The following DEPDC1 variants were observed in gnomAD, a reference collection of about 807,000 sequenced individuals.
The protein encoded by DEPDC1 is DEP domain containing 1.
A neutral mutation model predicts 86.8 loss-of-function variants in DEPDC1; 66 were observed. The observed-to-expected ratio is 0.76, with a 90% CI of 0.62 to 0.93. DEPDC1 has a LOEUF of 0.93. Among genes scored for constraint, DEPDC1 ranks in the 40% least tolerant of loss-of-function variants. The pLI is 0.00. For missense variants in DEPDC1, 792 were observed against 935.7 expected, an observed-to-expected ratio of 0.85 and a Z score of 2.00; for synonymous variants, 255 against 314.9, an observed-to-expected ratio of 0.81 and a Z score of 2.02.
chr1:68,481,873 C>G, intron 8 of DEPDC1, 173 bp downstream of exon 8: 1 of 681,926 alleles, frequency 1.5e-6, no homozygotes, highest in South Asian at 3.5e-5. Flanking sequence ...AAATAAGTTC[C>G]TTAGGTAAAC....
chr1:68,477,944 G>C lies in DEPDC1; in HGVS notation c.2141C>G (p.Ala714Gly). 1.3e-6 allele frequency: 2 copies of C among 1,553,102 alleles called. No homozygotes were observed. Among genetic ancestry groups the C allele is most frequent in the African/African-American group, 1.4e-5 (1 of 72,994 alleles). ...ACAGTATGAGTAAGTTGGCAAAGGA[G>C]CAAATAGTCCATCTCCAGGATTTTC... The part of the protein sequence containing the change: ...HIENPGDGLF[A>G]PLPTYSYCKQ... Residue 714 changes from alanine (A) to glycine (G), a missense_variant, in exon 11 of 12, where the codon GCT becomes GGT. Transcript: ENST00000456315.
intron 9 of DEPDC1, 142 bp downstream of exon 9, chr1:68,481,298 A>T (rs1646153550): frequency 2.9e-6 from 2 of 680,454 alleles, no homozygotes; most frequent in Non-Finnish European, 4.9e-6. Context: ...TTCTGCTGCT[A>T]GGAAAGGTTA....
At chr1:68,490,094 G>C (rs1646219716) in intron 2 of DEPDC1, among the ~76,000 whole-genome samples, 1 of 152,076 alleles carries the variant, frequency 6.6e-6, no homozygotes, top group Non-Finnish European at 1.5e-5. Context: ...TGTAATTGTT[G>C]ACATTTTGCC....
chr1:68,477,825 T>G lies in DEPDC1; in HGVS notation c.2260A>C (p.Ser754Arg). Residue 754 changes from serine to arginine, a missense_variant, in exon 11 of 12, where the codon AGT (serine) becomes CGT (arginine). By Grantham distance (110) the Ser-to-Arg change is moderately radical. Coordinates refer to ENST00000456315, the MANE Select transcript of DEPDC1 (RefSeq NM_001114120.3). ...ELLENIIKNR[S>R]LPLKEKRKKL... Reference sequence around the variant, plus strand: ...TTTCTTTTCTCCTTTAGAGGTAAACTCCTGTTTTTAATAATATTTTCTAAA... The same window carrying G: ...TTTCTTTTCTCCTTTAGAGGTAAACGCCTGTTTTTAATAATATTTTCTAAA... 6.4e-7 allele frequency: 1 copy of G among 1,557,978 alleles called. No individual in the cohort carries two copies. Among genetic ancestry groups the G allele is most frequent in the East Asian group, 2.3e-5 (1 of 43,586 alleles).
Position 68,482,765 on chromosome 1 carries a change from C to G in DEPDC1, c.1043G>C (p.Ser348Thr). 1 of 1,612,720 alleles carries G rather than the reference C, an allele frequency of 6.2e-7. No individual in the cohort carries two copies. Among genetic ancestry groups the G allele is most frequent in the Non-Finnish European group, 8.5e-7 (1 of 1,179,268 alleles). ...SFKSTECLLL[S>T]LLHREKNKEE... is the part of the protein sequence containing the mutation. ...TTTGTTTTTTTCTCTATGAAGCAGA[C>G]TGAGAAGAAGGCACTCAGTTGATTT... is the stretch of plus-strand genomic sequence containing the variant. The change falls in exon 8 of 12, where the codon AGT becomes ACT. Residue 348 changes from serine to threonine, a missense_variant. By Grantham distance (58) the Ser-to-Thr change is moderately conservative. Coordinates refer to ENST00000456315, the MANE Select transcript of DEPDC1 (RefSeq NM_001114120.3).
At chr1:68,477,649 T>G in intron 11 of DEPDC1, 138 bp downstream of exon 11, 1 of 501,260 alleles carries the variant, frequency 2.0e-6, no homozygotes, top group Non-Finnish European at 3.2e-6. Context: ...ATACAAGACA[T>G]CATAATATAT....
rs1173596254 is a variant in DEPDC1 at position 68,497,022 on chromosome 1, G to A, written c.-23C>T. 2.5e-6 allele frequency: 4 copies of A among 1,610,728 alleles called. No homozygotes were observed. Among genetic ancestry groups the A allele is most frequent in the Non-Finnish European group, 3.4e-6 (4 of 1,178,066 alleles). ...CATAGGTCTGTCAGCGCCCGGTGGCGTCCATGGCGGCGAAGGCGACACTCA... is the reference window on the plus strand; with the variant it reads ...CATAGGTCTGTCAGCGCCCGGTGGCATCCATGGCGGCGAAGGCGACACTCA... On this transcript the variant is annotated 5_prime_UTR_variant, in exon 1 of 12. It adds an upstream start codon to the 5' untranslated region. Transcript: ENST00000456315.
At chr1:68,486,668 C>T (rs1356477842) in intron 6 of DEPDC1, among the ~76,000 whole-genome samples, 1 of 151,746 alleles carries the variant, frequency 6.6e-6, no homozygotes. Flanking sequence ...CTTTGAGATC[C>T]TCTAGGCTAT....
At chr1:68,477,128 T>C (rs1474688322) in intron 11 of DEPDC1, 59 bp from the exon 12 acceptor site, 1 of 1,379,960 alleles carries the variant, frequency 7.2e-7, no homozygotes, top group African/African-American at 1.5e-5. Flanking sequence ...GCTGAAGCAG[T>C]GCTCAACATT....
At chr1:68,495,049 G>A (rs1377571004) in intron 1 of DEPDC1, among the ~76,000 whole-genome samples, 2 of 152,112 alleles carry the variant, frequency 1.3e-5, no homozygotes, top group Admixed American at 6.5e-5. Flanking sequence ...GGCTGAGTCA[G>A]GAGAATCACT....
rs181251546 is a variant in DEPDC1, at chr1:68,475,938, T to C, written c.*994A>G. ...CCCCAAAATTCAGATTTAATTAGTG[T>C]AAGTTAGGCCCTGGGCATATAGGCT... On this transcript the variant is annotated 3_prime_UTR_variant, in exon 12 of 12. Coordinates refer to ENST00000456315, the MANE Select transcript of DEPDC1 (RefSeq NM_001114120.3). The C allele has an allele frequency of 6.6e-6, 1 of 151,982 alleles. No homozygotes were observed. Among genetic ancestry groups the C allele is most frequent in the African/African-American group, 2.4e-5 (1 of 41,536 alleles). The allele number at this position is 151,982 out of a possible 1,614,324, so 9.4% of individuals were successfully genotyped here.
At chr1:68,485,616 T>C (rs1427129204) in intron 6 of DEPDC1, among the ~76,000 whole-genome samples, 1 of 152,100 alleles carries the variant, frequency 6.6e-6, no homozygotes, top group Non-Finnish European at 1.5e-5. Context: ...GAAGACCAGA[T>C]GTCAGAGAAA....
rs773506539 is a variant in DEPDC1 at position 68,488,388 on chromosome 1, A to G, written c.707T>C (p.Leu236Pro). The G allele has an allele frequency of 6.3e-7, 1 of 1,585,884 alleles. No homozygotes were observed. The highest frequency in any genetic ancestry group is 2.3e-5 in the East Asian group (1 of 43,772). The change falls in exon 5 of 12, where the codon CTA becomes CCA. Residue 236 changes from leucine (L) to proline (P), a missense_variant. By Grantham distance (98) the Leu-to-Pro change is moderately conservative (BLOSUM62 -3). Coordinates refer to ENST00000456315, the MANE Select transcript of DEPDC1 (RefSeq NM_001114120.3). ...TTAATACCAACCTGATTTGTTTTGT[A>G]GTATAACTACTCCACGTTTACTTGT... ...ANTSKRGVVI[L>P]QNKSDDLPHW...
At position 68,483,941 on chromosome 1, in the gene DEPDC1, T is replaced by C. The variant is rs2100255046; in HGVS notation, c.910+9A>G. On this transcript the variant is annotated intron_variant, in intron 7 of 11. Transcript: ENST00000456315. Reference sequence around the variant, plus strand: ...AAAATGAACTAAAATCAGTAAAATCTATACATACCCAAAATGTTTACAAAT... The same window carrying C: ...AAAATGAACTAAAATCAGTAAAATCCATACATACCCAAAATGTTTACAAAT... 1 of 1,460,476 alleles carries C rather than the reference T, an allele frequency of 6.8e-7. No homozygotes were observed. Among genetic ancestry groups the C allele is most frequent in the South Asian group, 1.4e-5 (1 of 73,472 alleles). 90.5% of individuals were successfully genotyped at this position (1,460,476 alleles called of 1,614,324 possible).
chr1:68,488,284 A>T (rs778774348), intron 5 of DEPDC1, 90 bp downstream of exon 5: 9 of 1,239,886 alleles, frequency 7.3e-6, no homozygotes, highest in African/African-American at 1.6e-5. Context: ...AAAGTATTCT[A>T]CTTTCAATAT....
At position 68,482,484 on chromosome 1, in the gene DEPDC1, G is replaced by A. The variant is rs374450492; in HGVS notation, c.1324C>T (p.His442Tyr). 11 of 1,613,078 alleles carry A rather than the reference G, an allele frequency of 6.8e-6. No homozygotes were observed. Among genetic ancestry groups the A allele is most frequent in the Non-Finnish European group, 8.5e-6 (10 of 1,179,336 alleles). The stretch of plus-strand genomic sequence containing the variant: ...CCTTCTATGTTCGGAAAAGATTGAT[G>A]AAAGACACTGGATGCCTCTTTACTT... Reference protein sequence around the residue: ...NSSKEASSVFHQSFPNIEGQN... With the variant: ...NSSKEASSVFYQSFPNIEGQN... The change falls in exon 8 of 12, where the codon CAT becomes TAT. Residue 442 changes from histidine to tyrosine, a missense_variant. Coordinates refer to ENST00000456315, the MANE Select transcript of DEPDC1 (RefSeq NM_001114120.3).
intron 2 of DEPDC1, among the ~76,000 whole-genome samples, chr1:68,490,797 T>C (rs192600997): frequency 1.1e-4 from 16 of 152,080 alleles, no homozygotes; most frequent in Admixed American, 9.8e-4. Flanking sequence ...TACAGGCCTG[T>C]AGTAACCAAA....
At position 68,477,788 on chromosome 1, in the gene DEPDC1, T is replaced by C; in HGVS notation, c.2297A>G (p.Gln766Arg). 1 of 1,501,466 alleles carries C rather than the reference T, an allele frequency of 6.7e-7. No individual in the cohort carries two copies. The highest frequency in any genetic ancestry group is 9.0e-7 in the Non-Finnish European group (1 of 1,117,158). 93.0% of individuals were successfully genotyped at this position (1,501,466 alleles called of 1,614,324 possible). The change falls in exon 11 of 12, where the codon CAG becomes CGG. Residue 766 changes from glutamine (Q) to arginine (R), a missense_variant and splice_region_variant. Gln to Arg is a conservative substitution (Grantham distance 43). Coordinates refer to ENST00000456315, the MANE Select transcript of DEPDC1 (RefSeq NM_001114120.3). ...TTGAGAACTTGCTCATTCTCTTACCTGTTTTAGTTTTTTTCTTTTCTCCTT... is the reference window on the plus strand; with the variant it reads ...TTGAGAACTTGCTCATTCTCTTACCCGTTTTAGTTTTTTTCTTTTCTCCTT... ...PLKEKRKKLKQFQKEYPLIYQ... is the reference protein window; with the variant it reads ...PLKEKRKKLKRFQKEYPLIYQ...
In DEPDC1 at chr1:68,496,797, C is replaced by T; in HGVS notation, c.48+155G>A. The T allele has an allele frequency of 8.2e-6, 6 of 735,026 alleles. No individual in the cohort carries two copies. Among genetic ancestry groups the T allele is most frequent in the Non-Finnish European group, 1.4e-5 (6 of 431,812 alleles). 45.5% of individuals were successfully genotyped at this position (735,026 alleles called of 1,614,324 possible). On this transcript the variant is annotated intron_variant, in intron 1 of 11. Transcript: ENST00000456315. The surrounding 1 kb of genome is among the most constrained non-coding windows in gnomAD (Gnocchi z 4.0). The stretch of plus-strand genomic sequence containing the variant: ...GTGAGTCTGGCAAGGGTTGCATACC[C>T]GCTACTTCTCCTCGCCAGCCTTTTC...
Sources: gnomAD v4.1 joint callset for allele counts (sites outside exome capture counted in the v4.1 genomes callset) on GRCh38, gnomAD v4.1.1 for gene constraint, Gnocchi (gnomAD v3.1) non-coding constraint, MANE v1.5 for transcripts, NCBI Gene and HGNC (gene_info 2026-07-23, HGNC 2026-07-21) for gene names.